AKT1: variants seen among roughly 807,000 people sequenced by gnomAD.
AKT1 encodes the protein RAC-alpha serine/threonine-protein kinase.
In AKT1, 21 loss-of-function variants were observed where a neutral mutation model predicts 63.1. The observed-to-expected ratio is 0.33, with a 90% CI of 0.24 to 0.48. The LOEUF is 0.48. Ranked by LOEUF, AKT1 falls within the 20% of genes least tolerant of loss-of-function variation. The pLI is 0.99. For missense variants in AKT1, 382 were observed against 666.0 expected, an observed-to-expected ratio of 0.57 and a Z score of 4.69; for synonymous variants, 257 against 253.1, an observed-to-expected ratio of 1.02 and a Z score of -0.15.
intron 3 of AKT1, among the ~76,000 whole-genome samples, chr14:104,782,567 G>C (rs1173265695): frequency 6.6e-6 from 1 of 152,188 alleles, no homozygotes; most frequent in Non-Finnish European, 1.5e-5. Flanking sequence ...CAGGCGTGGG[G>C]GGTGGGAGAG....
intron 3 of AKT1, among the ~76,000 whole-genome samples, chr14:104,790,004 C>T (rs575551084): frequency 9.2e-5 from 14 of 152,352 alleles, no homozygotes; most frequent in African/African-American, 3.1e-4. Context: ...ATGACGCTCA[C>T]CTCCCAAGGA....
intron 3 of AKT1, among the ~76,000 whole-genome samples, chr14:104,781,994 C>T (rs1235396336): frequency 1.3e-5 from 2 of 152,208 alleles, no homozygotes; most frequent in South Asian, 4.1e-4. Flanking sequence ...TGGGTGCCGG[C>T]TCCTGTCCCT....
chr14:104,772,689 C>T (rs1052593892), intron 12 of AKT1, among the ~76,000 whole-genome samples, 189 bp downstream of exon 12: 4 of 152,168 alleles, frequency 2.6e-5, no homozygotes, highest in Non-Finnish European at 5.9e-5. Context: ...GACAGAGGCC[C>T]AACTGACCCC....
At position 104,773,518 on chromosome 14, in the gene AKT1, A is replaced by G. The variant is rs1291522055; in HGVS notation, c.765T>C (p.Ala255=). Residue 255 remains alanine (A), a synonymous_variant, in exon 10 of 15, where the codon GCT becomes GCC. Coordinates refer to ENST00000649815, the MANE Select transcript of AKT1 (RefSeq NM_001382430.1). ...GGTAGTCCAGGGCTGACACAATCTC[A>G]GCGCCATAGAAGCGGGCCCGGTCCT... ...FSEDRARFYG[A]EIVSALDYLH... is the part of the protein sequence containing the mutation. 3.1e-6 allele frequency: 5 copies of G among 1,612,498 alleles called. No homozygotes were observed. Among genetic ancestry groups the G allele is most frequent in the Admixed American group, 3.3e-5 (2 of 59,932 alleles).
rs748365698 is a variant in AKT1 at position 104,776,685 on chromosome 14, G to A, written c.261C>T (p.Thr87=). ...CLQWTTVIER[T]FHVETPEERE... ...GCTCCTCAGGAGTCTCCACATGGAA[G>A]GTGCGTTCGATGACAGTGGTCCACT... Residue 87 remains threonine (T), a synonymous_variant, in exon 5 of 15, where the codon ACC becomes ACT. Transcript: ENST00000649815. The A allele has an allele frequency of 1.2e-6, 2 of 1,613,426 alleles. No individual in the cohort carries two copies. The highest frequency in any genetic ancestry group is 2.2e-5 in the East Asian group (1 of 44,880).
rs2140885269 is a variant in AKT1 at position 104,769,873 on chromosome 14, T to C, written c.*468A>G. On this transcript the variant is annotated 3_prime_UTR_variant, in exon 15 of 15. Coordinates refer to ENST00000649815, the MANE Select transcript of AKT1 (RefSeq NM_001382430.1). ...GCCTGCCACCCCCAGGAGAGGGTGC[T>C]GGCCAGCATACCATAGTGAGGTTGC... 2.6e-6 allele frequency: 1 copy of C among 389,088 alleles called. No homozygotes were observed. Among genetic ancestry groups the C allele is most frequent in the Non-Finnish European group, 4.8e-6 (1 of 209,008 alleles). 24.1% of individuals were successfully genotyped at this position (389,088 alleles called of 1,614,324 possible).
At chr14:104,774,901 G>T in intron 8 of AKT1, 37 bp downstream of exon 8, 1 of 1,593,780 alleles carries the variant, frequency 6.3e-7, no homozygotes, top group South Asian at 1.1e-5. Flanking sequence ...TCGCTACCTG[G>T]CCCCAGCCCT....
At chr14:104,790,158 C>T (rs1893549690) in intron 3 of AKT1, among the ~76,000 whole-genome samples, 1 of 152,244 alleles carries the variant, frequency 6.6e-6, no homozygotes, top group Non-Finnish European at 1.5e-5. Flanking sequence ...GTGGGACTGT[C>T]ACCTGGGGAT....
chr14:104,774,322 A>G, intron 8 of AKT1: 1 of 363,248 alleles, frequency 2.8e-6, no homozygotes, highest in Non-Finnish European at 5.2e-6. Context: ...GAGTGTTTGA[A>G]AGGTGAGCAA....
At position 104,793,204 on chromosome 14, in the gene AKT1, T is replaced by G. The variant is rs577532120; in HGVS notation, c.-157A>C. The stretch of plus-strand genomic sequence containing the variant: ...TGACCCAGGCTGGCTCGGCCTTCCC[T>G]AAGCCCCTGGTGACAGATGGCCCCG... On this transcript the variant is annotated 5_prime_UTR_variant, in exon 2 of 15. The change abolishes the stop of an existing upstream ORF in the 5' untranslated region. Coordinates refer to ENST00000649815, the MANE Select transcript of AKT1 (RefSeq NM_001382430.1). The G allele has an allele frequency of 3.7e-4, 69 of 187,018 alleles. No homozygotes were observed. Among genetic ancestry groups the G allele is most frequent in the Middle Eastern group, 4.3e-3 (2 of 464 alleles). The allele number at this position is 187,018 out of a possible 1,614,324, so 11.6% of individuals were successfully genotyped here. A position where few individuals can be genotyped will look rare whatever the true frequency, so the allele number is the denominator to read the frequency against.
rs1892619018 is a variant in AKT1, at chr14:104,774,926, G to A, written c.633+12C>T. On this transcript the variant is annotated intron_variant, in intron 8 of 14. Transcript: ENST00000649815. The stretch of plus-strand genomic sequence containing the variant: ...GCCCCAGCCCTTCAGCCCCATCTGG[G>A]CTCCCACTCACTGTGAGGAAGGGGT... 1.2e-6 allele frequency: 2 copies of A among 1,608,976 alleles called. No individual in the cohort carries two copies. Among genetic ancestry groups the A allele is most frequent in the South Asian group, 1.1e-5 (1 of 90,690 alleles).
At chr14:104,776,547 C>T in intron 5 of AKT1, 112 bp downstream of exon 5, 1 of 892,752 alleles carries the variant, frequency 1.1e-6, no homozygotes, top group Non-Finnish European at 1.7e-6. Context: ...CCTGGGAGCA[C>T]TGGGGAGTGA....
In AKT1 at chr14:104,770,119, C is replaced by T. The variant is rs1892291452; in HGVS notation, c.*222G>A. ...GCTGAGGCCACACCCGGAGAACAAA[C>T]TGGATGAAATAAATTAAAACCCGCA... On this transcript the variant is annotated 3_prime_UTR_variant, in exon 15 of 15. Transcript: ENST00000649815. 4 of 600,218 alleles carry T rather than the reference C, an allele frequency of 6.7e-6. No homozygotes were observed. Among genetic ancestry groups the T allele is most frequent in the Non-Finnish European group, 1.2e-5 (4 of 335,334 alleles). The allele number at this position is 600,218 out of a possible 1,614,324, so 37.2% of individuals were successfully genotyped here. A position where few individuals can be genotyped will look rare whatever the true frequency, so the allele number is the denominator to read the frequency against.
At position 104,780,230 on chromosome 14, in the gene AKT1, G is replaced by A. The variant is rs2140950257; in HGVS notation, c.47-14C>T. 6.2e-7 allele frequency: 1 copy of A among 1,612,482 alleles called. No homozygotes were observed. Among genetic ancestry groups the A allele is most frequent in the Non-Finnish European group, 8.5e-7 (1 of 1,179,504 alleles). ...TGATGTACTCCCCTACAGACGTGCG[G>A]GTGGTGAGAGCCACGCACACTCTAC... On this transcript the variant is annotated splice_polypyrimidine_tract_variant and intron_variant, in intron 3 of 14. Coordinates refer to ENST00000649815, the MANE Select transcript of AKT1 (RefSeq NM_001382430.1).
chr14:104,782,890 G>T (rs566385051), intron 3 of AKT1, among the ~76,000 whole-genome samples: 2 of 152,134 alleles, frequency 1.3e-5, no homozygotes, highest in Admixed American at 6.5e-5. Flanking sequence ...GGATCACTTG[G>T]GGGGGTGCCA....
chr14:104,769,514 G>GGA lies in AKT1; in HGVS notation c.*825_*826dup, dbSNP rs1342779367. 3 of 532,410 alleles carry GGA rather than the reference G, an allele frequency of 5.6e-6. No homozygotes were observed. The highest frequency in any genetic ancestry group is 5.6e-5 in the African/African-American group (3 of 53,652). 33.0% of individuals were successfully genotyped at this position (532,410 alleles called of 1,614,324 possible). ...GGCCCAGGGATGGCCACCCCCACAG[G>GGA]GAGTCAGGGAGGGCCTGGGGCGACA... On this transcript the variant is annotated 3_prime_UTR_variant, in exon 15 of 15. Coordinates refer to ENST00000649815, the MANE Select transcript of AKT1 (RefSeq NM_001382430.1).
At chr14:104,777,788 A>G in intron 4 of AKT1, 1 of 978,338 alleles carries the variant, frequency 1.0e-6, no homozygotes, top group East Asian at 1.1e-4. Context: ...GCCAGGCAGC[A>G]AGGAAGCTGT....
At chr14:104,777,775 C>T in intron 4 of AKT1, 1 of 984,750 alleles carries the variant, frequency 1.0e-6, no homozygotes, top group Non-Finnish European at 1.2e-6. Context: ...ACAAGGGGGC[C>T]TGGCCAGGCA....
Position 104,791,359 on chromosome 14 carries a change from G to A in AKT1, c.46+1239C>T, listed in dbSNP as rs374836756. On this transcript the variant is annotated intron_variant, in intron 3 of 14. Transcript: ENST00000649815. ...GAACAAGCAGGGGACAGCACACGGGGAGGGGATGGAGAAGGCAGGATGCGG... is the reference window on the plus strand; with the variant it reads ...GAACAAGCAGGGGACAGCACACGGGAAGGGGATGGAGAAGGCAGGATGCGG... Among the ~76,000 whole-genome samples, 48 of 152,036 alleles carry A rather than the reference G, an allele frequency of 3.2e-4. No individual in the cohort carries two copies. The East Asian group carries it at 9.3e-3, about 29-fold the overall frequency.
Sources: gnomAD v4.1 joint callset for allele counts (sites outside exome capture counted in the v4.1 genomes callset) on GRCh38, gnomAD v4.1.1 for gene constraint, MANE v1.5 for transcripts, NCBI Gene and HGNC (gene_info 2026-07-23, HGNC 2026-07-21) for gene names.